Variants in KIAA1958 observed in about 807,000 individuals in gnomAD.
KIAA1958 encodes the protein uncharacterized protein KIAA1958.
A neutral mutation model predicts 47.2 loss-of-function variants in KIAA1958; 14 were observed. The ratio of observed to expected loss-of-function variants is 0.30; its 90% confidence interval spans 0.20 to 0.46. The LOEUF is 0.46. Ranked by LOEUF, KIAA1958 falls within the 20% of genes least tolerant of loss-of-function variation. The pLI is 1.00. For missense variants in KIAA1958, 803 were observed against 909.2 expected (o/e 0.88, Z 1.50); for synonymous variants, 354 against 353.3 (o/e 1.00, Z -0.02).
At chr9:112,557,191 C>A (rs1035106725) in intron 1 of KIAA1958, among the ~76,000 whole-genome samples, 1 of 152,068 alleles carries the variant, frequency 6.6e-6, no homozygotes, top group African/African-American at 2.4e-5. Context: ...AATACCCAGG[C>A]TTAAGCAGTC....
intron 1 of KIAA1958, among the ~76,000 whole-genome samples, chr9:112,509,460 C>A (rs1292260306): frequency 4.7e-5 from 7 of 150,188 alleles, no homozygotes; most frequent in Admixed American, 2.0e-4. Flanking sequence ...CTCGGCCTCC[C>A]GCCAGGCCCA....
chr9:112,565,755 C>G (rs965374133), intron 1 of KIAA1958, among the ~76,000 whole-genome samples: 1 of 152,140 alleles, frequency 6.6e-6, no homozygotes, highest in African/African-American at 2.4e-5. Context: ...TACTAGTCAA[C>G]ATGGTTGCCA....
chr9:112,629,917 TA>T (rs1836679363), intron 2 of KIAA1958, among the ~76,000 whole-genome samples: 1 of 152,234 alleles, frequency 6.6e-6, no homozygotes, highest in African/African-American at 2.4e-5. Context: ...TTCATTCATT[TA>T]ATGAATTGTC....
In KIAA1958 at chr9:112,561,837, A is replaced by G. The variant is rs548769098; in HGVS notation, c.-24-12220A>G. Among the ~76,000 whole-genome samples the G allele has an allele frequency of 3.1e-3, 475 of 152,342 alleles. 3 individuals are homozygous for G. Among genetic ancestry groups the G allele is most frequent in the African/African-American group, 0.011 (448 of 41,580 alleles). On this transcript the variant is annotated intron_variant, in intron 1 of 3. Transcript: ENST00000337530. ...GCCATTGCACTGCAGCCTGGGCAAC[A>G]GAGTGACACTCTGTCTCAAACAAAC...
chr9:112,630,931 A>G (rs867368450), intron 2 of KIAA1958, among the ~76,000 whole-genome samples: 12 of 152,232 alleles, frequency 7.9e-5, no homozygotes, highest in African/African-American at 2.7e-4. Flanking sequence ...TAAACGAGGA[A>G]CTCATCTTTA....
intron 3 of KIAA1958, among the ~76,000 whole-genome samples, chr9:112,646,508 T>C (rs1253828372): frequency 6.6e-6 from 1 of 152,170 alleles, no homozygotes; most frequent in East Asian, 1.9e-4. Context: ...TAATTGGAAG[T>C]GATGAGCAAA....
At chr9:112,601,488 T>C (rs765385656) in intron 2 of KIAA1958, among the ~76,000 whole-genome samples, 6 of 152,122 alleles carry the variant, frequency 3.9e-5, no homozygotes, top group Admixed American at 2.0e-4. Context: ...CACACTGATA[T>C]TAGACCTATC....
At position 112,575,015 on chromosome 9, in the gene KIAA1958, T is replaced by C; in HGVS notation, c.935T>C (p.Val312Ala). 1 of 1,614,160 alleles carries C rather than the reference T, an allele frequency of 6.2e-7. No individual in the cohort carries two copies. The highest frequency in any genetic ancestry group is 1.1e-5 in the South Asian group (1 of 91,082). Residue 312 changes from valine (V) to alanine (A), a missense_variant, in exon 2 of 4, where the codon GTG (valine) becomes GCG (alanine). By Grantham distance (64) the Val-to-Ala change is moderately conservative. Around this residue, in one of 2 missense-constraint regions of KIAA1958, gnomAD observed 761 missense variants for 829.3 expected, o/e 0.92. Coordinates refer to ENST00000337530, the MANE Select transcript of KIAA1958 (RefSeq NM_133465.4). Reference protein sequence around the residue: ...TNQQVAMQMPVSTSHPNKQIS... With the variant: ...TNQQVAMQMPASTSHPNKQIS... ...CAACAGGTGGCCATGCAAATGCCTG[T>C]GAGCACATCCCATCCTAACAAACAG...
intron 2 of KIAA1958, among the ~76,000 whole-genome samples, chr9:112,642,897 A>G (rs1438383875): frequency 6.6e-6 from 1 of 152,256 alleles, no homozygotes; most frequent in Non-Finnish European, 1.5e-5. Context: ...CTGTCCCATT[A>G]TGTAAGCAGA....
Position 112,660,332 on chromosome 9 carries a change from T to C in KIAA1958, c.*263T>C. 4 of 456,522 alleles carry C rather than the reference T, an allele frequency of 8.8e-6. No homozygotes were observed. In the East Asian group the frequency reaches 1.0e-4, roughly 12 times the overall value. 28.3% of individuals were successfully genotyped at this position (456,522 alleles called of 1,614,324 possible). ...TCTAACACAATGTATAATTGTTACA[T>C]ACAAGAGTGAGGAAATTCATTTTCT... On this transcript the variant is annotated 3_prime_UTR_variant, in exon 4 of 4. Transcript: ENST00000337530.
At chr9:112,570,840 A>G (rs118117174) in intron 1 of KIAA1958, among the ~76,000 whole-genome samples, 1 of 152,350 alleles carries the variant, frequency 6.6e-6, no homozygotes, top group East Asian at 1.9e-4. Flanking sequence ...GGATGCTGGT[A>G]TAGTGGTTCA....
rs776485257 is a variant in KIAA1958, at chr9:112,574,423, C to T, written c.343C>T (p.Arg115Trp). The change falls in exon 2 of 4, where the codon CGG (arginine) becomes TGG (tryptophan). Residue 115 changes from arginine to tryptophan, a missense_variant. Physicochemically the swap from Arg to Trp is moderately radical, Grantham distance 101 (BLOSUM62 -3). Transcript: ENST00000337530. ...AGTGAAAGCAAAGCTAGACTGTAAC[C>T]GGACCAGAGACTCTTGTGACTTCTC... The part of the protein sequence containing the change: ...RPVKAKLDCN[R>W]TRDSCDFSYC... 11 of 1,614,080 alleles carry T rather than the reference C, an allele frequency of 6.8e-6. No homozygotes were observed. The highest frequency in any genetic ancestry group is 3.3e-5 in the Admixed American group (2 of 60,018).
chr9:112,575,138 G>A lies in KIAA1958; in HGVS notation c.1058G>A (p.Cys353Tyr). ...CATCTGCCCAGCCAGGTCTCCTCCT[G>A]TGAGGTAGCCCTTTCTCCCTCAGTT... ...LSHLPSQVSS[C>Y]EVALSPSVNT... The change falls in exon 2 of 4, where the codon TGT becomes TAT. Residue 353 changes from cysteine to tyrosine, a missense_variant. Transcript: ENST00000337530. 1 of 1,603,278 alleles carries A rather than the reference G, an allele frequency of 6.2e-7. No individual in the cohort carries two copies. The highest frequency in any genetic ancestry group is 8.5e-7 in the Non-Finnish European group (1 of 1,179,836).
At chr9:112,544,409 G>A (rs145278229) in intron 1 of KIAA1958, among the ~76,000 whole-genome samples, 1 of 152,318 alleles carries the variant, frequency 6.6e-6, no homozygotes, top group East Asian at 1.9e-4. Context: ...TTTAAATTCA[G>A]TGGGAATAGG....
chr9:112,630,887 A>G (rs1405486594), intron 2 of KIAA1958, among the ~76,000 whole-genome samples: 3 of 152,248 alleles, frequency 2.0e-5, no homozygotes, highest in African/African-American at 7.2e-5. Context: ...ATATAAAATT[A>G]CAGGTAGTTA....
intron 1 of KIAA1958, among the ~76,000 whole-genome samples, chr9:112,523,381 G>A (rs1834585842): frequency 6.6e-6 from 1 of 152,092 alleles, no homozygotes; most frequent in African/African-American, 2.4e-5. Context: ...AACCTGGGAG[G>A]TCAAGGCTGC....
chr9:112,562,682 G>A (rs914957885), intron 1 of KIAA1958, among the ~76,000 whole-genome samples: 6 of 152,138 alleles, frequency 3.9e-5, no homozygotes, highest in Non-Finnish European at 7.3e-5. Flanking sequence ...TACTTGAATG[G>A]TCTGACTTCC....
chr9:112,497,587 C>T (rs1834066528), intron 1 of KIAA1958, among the ~76,000 whole-genome samples: 1 of 152,124 alleles, frequency 6.6e-6, no homozygotes, highest in Non-Finnish European at 1.5e-5. Context: ...GCAAATGAAT[C>T]CACTGACATT....
chr9:112,549,842 G>C (rs1332844307), intron 1 of KIAA1958, among the ~76,000 whole-genome samples: 4 of 152,206 alleles, frequency 2.6e-5, no homozygotes, highest in African/African-American at 9.6e-5. Flanking sequence ...TAGAGATGCT[G>C]CAAAGCATAT....
Sources: gnomAD v4.1 joint callset for allele counts (sites outside exome capture counted in the v4.1 genomes callset) on GRCh38, gnomAD v4.1.1 for gene constraint, gnomAD v4.1.1 regional missense constraint, MANE v1.5 for transcripts, NCBI Gene and HGNC (gene_info 2026-07-23, HGNC 2026-07-21) for gene names.